Variants in P3H1 observed in about 807,000 individuals in gnomAD.
The protein encoded by P3H1 is growth suppressor 1.
P3H1 carries 69 observed loss-of-function variants against 84.0 expected under a neutral mutation model. The observed-to-expected ratio is 0.82, with a 90% CI of 0.68 to 1.00. The LOEUF (loss-of-function observed/expected upper bound fraction) is 1.00. Ranked by LOEUF, P3H1 falls within the 50% of genes least tolerant of loss-of-function variation. The pLI, the probability that P3H1 is intolerant of heterozygous loss-of-function variation, is 0.00. For missense variants in P3H1, 878 were observed against 962.8 expected (o/e 0.91, Z 1.17); for synonymous variants, 366 against 388.8 (o/e 0.94, Z 0.69).
In P3H1 at chr1:42,746,783, G is replaced by A. The variant is rs1186779144; in HGVS notation, c.2125C>T (p.Gln709Ter). 6 of 1,571,490 alleles carry A rather than the reference G, an allele frequency of 3.8e-6. No homozygotes were observed. Among genetic ancestry groups the A allele is most frequent in the Non-Finnish European group, 5.2e-6 (6 of 1,158,196 alleles). The change falls in exon 15 of 15, where the codon CAG becomes TAG. Residue 709 changes from glutamine (Q) to a stop codon, truncating the protein, a stop_gained. Transcript: ENST00000296388. LOFTEE classifies it low-confidence loss of function (END_TRUNC). ...GGGCCCTGCTGGGCATCCAGGGGCT[G>A]CTCCTGGGAGAGGTCCATCTCTTCT... ...SPEEMDLSQE[Q>*]PLDAQQGPPE...
intron 10 of P3H1, chr1:42,751,532 C>T (rs551334851): frequency 2.8e-3 from 401 of 140,914 alleles, no homozygotes; most frequent in African/African-American, 0.01. Flanking sequence ...CCTGCCAAAT[C>T]CCCCTCTGCG....
At chr1:42,766,427 TC>T (rs1653001795) in intron 1 of P3H1, 79 bp downstream of exon 1, 1 of 1,273,136 alleles carries the variant, frequency 7.9e-7, no homozygotes, top group Non-Finnish European at 1.1e-6. Context: ...ACTTCCCCGA[TC>T]CCCCAAGCTC....
At chr1:42,761,392 A>T (rs1156338794) in intron 2 of P3H1, 1 of 152,222 alleles carries the variant, frequency 6.6e-6, no homozygotes, top group Non-Finnish European at 1.5e-5. Context: ...TTTTCCTGCT[A>T]AACAAATAGA....
intron 2 of P3H1, chr1:42,761,770 C>A: frequency 6.2e-6 from 1 of 160,172 alleles, no homozygotes; most frequent in Non-Finnish European, 1.4e-5. Context: ...CCTCTAGTCC[C>A]AGCTATTTGT....
chr1:42,750,104 G>A (rs1164546815), intron 11 of P3H1, 82 bp downstream of exon 11: 1 of 1,506,492 alleles, frequency 6.6e-7, no homozygotes, highest in Non-Finnish European at 9.1e-7. Flanking sequence ...ACCGCATCCT[G>A]TTCTCTCTGT....
chr1:42,748,459 A>G (rs1450917382), intron 11 of P3H1, 142 bp from the exon 12 acceptor site: 23 of 742,484 alleles, frequency 3.1e-5, no homozygotes, highest in African/African-American at 5.1e-5. Flanking sequence ...TGGCTAAGCC[A>G]CAAGCCTAGG....
chr1:42,754,108 C>T lies in P3H1; in HGVS notation c.1345+761G>A, dbSNP rs907811610. Among the ~76,000 whole-genome samples the T allele has an allele frequency of 5.3e-5, 8 of 152,074 alleles. No homozygotes were observed. Among genetic ancestry groups the T allele is most frequent in the South Asian group, 4.1e-4 (2 of 4,828 alleles). On this transcript the variant is annotated intron_variant, in intron 8 of 14. Coordinates refer to ENST00000296388, the MANE Select transcript of P3H1 (RefSeq NM_022356.4). The surrounding 1 kb of genome is among the most constrained non-coding windows in gnomAD (Gnocchi z 4.0). ...GTAAACAGGACAAGAGTAGAACATT[C>T]GGTTAAGGGGCAGGCACGGAGGATG...
Position 42,746,683 on chromosome 1 carries a change from T to C in P3H1, c.*14A>G, listed in dbSNP as rs1281669690. 1 of 1,548,466 alleles carries C rather than the reference T, an allele frequency of 6.5e-7. No individual in the cohort carries two copies. ...CCATGGGTCTAGTCACCCATCCGTC[T>C]GACCTGGACGCTGTCATAGCTCATC... On this transcript the variant is annotated 3_prime_UTR_variant, in exon 15 of 15. Transcript: ENST00000296388.
chr1:42,750,731 G>A (rs1395191824), intron 10 of P3H1, among the ~76,000 whole-genome samples: 1 of 145,946 alleles, frequency 6.9e-6, no homozygotes, highest in Admixed American at 6.7e-5. Flanking sequence ...GCCCTGTCCG[G>A]GAGGTGAGGG....
At chr1:42,753,922 T>A (rs895929932) in intron 8 of P3H1, among the ~76,000 whole-genome samples, 2 of 147,190 alleles carry the variant, frequency 1.4e-5, no homozygotes, top group African/African-American at 5.0e-5. Context: ...CAAGACTCCA[T>A]CTCCAAAAAA....
At chr1:42,749,186 TG>T (rs1168990516) in intron 11 of P3H1, among the ~76,000 whole-genome samples, 2 of 152,062 alleles carry the variant, frequency 1.3e-5, no homozygotes, top group Admixed American at 6.5e-5. Flanking sequence ...CCTGGCCTCC[TG>T]GCACCTGTGC....
rs60025227 is a variant in P3H1 at position 42,755,763 on chromosome 1, GCT to G, written c.1081-128_1081-127del. 34,026 of 722,448 alleles carry G rather than the reference GCT, an allele frequency of 0.047. 1,147 individuals carry two copies. Among genetic ancestry groups the G allele is most frequent in the African/African-American group, 0.13 (7,504 of 57,398 alleles). The allele number at this position is 722,448 out of a possible 1,614,324, so 44.8% of individuals were successfully genotyped here. On this transcript the variant is annotated intron_variant, in intron 5 of 14. Coordinates refer to ENST00000296388, the MANE Select transcript of P3H1 (RefSeq NM_022356.4). ...CCTGAGGCCTCCTCTCCCTACCAAT[GCT>G]CTCTGTCTGTTCCCCAGTTTGAGAC...
At chr1:42,752,888 CT>C (rs1203557169) in intron 8 of P3H1, among the ~76,000 whole-genome samples, 1 of 152,192 alleles carries the variant, frequency 6.6e-6, no homozygotes, top group Non-Finnish European at 1.5e-5. Flanking sequence ...TAGCTGCTGG[CT>C]TTTGGGCCAT....
At chr1:42,751,081 A>G (rs1199114533) in intron 10 of P3H1, among the ~76,000 whole-genome samples, 1 of 133,362 alleles carries the variant, frequency 7.5e-6, no homozygotes, top group East Asian at 2.2e-4. Flanking sequence ...CCAGCGGCTC[A>G]TTGGGGATGG....
chr1:42,748,269 T>C lies in P3H1; in HGVS notation c.1769A>G (p.Asn590Ser). The change falls in exon 12 of 15, where the codon AAC becomes AGC. Residue 590 changes from asparagine (N) to serine (S), a missense_variant. By Grantham distance (46) the Asn-to-Ser change is conservative. Coordinates refer to ENST00000296388, the MANE Select transcript of P3H1 (RefSeq NM_022356.4). ...GAGGGTCTCGGCATTCAGGATGCAG[T>C]TGTCCACGTGGACTGGATGACTATC... ...KDDSHPVHVD[N>S]CILNAETLVC... 1.2e-6 allele frequency: 2 copies of C among 1,614,086 alleles called. No homozygotes were observed. The highest frequency in any genetic ancestry group is 1.7e-6 in the Non-Finnish European group (2 of 1,180,030).
rs973687611 is a variant in P3H1, at chr1:42,759,406, A to T, written c.619-16T>A. On this transcript the variant is annotated splice_polypyrimidine_tract_variant and intron_variant, in intron 2 of 14. Transcript: ENST00000296388. Reference sequence around the variant, plus strand: ...GAAATTCTTGCTACTGGGAAGAAGGAGCACTCAAATGCAGGCCACAGAGGA... The same window carrying T: ...GAAATTCTTGCTACTGGGAAGAAGGTGCACTCAAATGCAGGCCACAGAGGA... 1 of 1,613,014 alleles carries T rather than the reference A, an allele frequency of 6.2e-7. No homozygotes were observed. Among genetic ancestry groups the T allele is most frequent in the Non-Finnish European group, 8.5e-7 (1 of 1,179,158 alleles).
rs751395741 is a variant in P3H1 at position 42,755,615 on chromosome 1, C to T, written c.1103G>A (p.Arg368Gln). The change falls in exon 6 of 15, where the codon CGA becomes CAA. Residue 368 changes from arginine (R) to glutamine (Q), a missense_variant. Physicochemically the swap from Arg to Gln is conservative, Grantham distance 43. Transcript: ENST00000296388. ...AAGCAGTTCTTTTTCCAGTAGGCTT[C>T]GCTGTCGGTACTCCTTGGCACTCTG... The part of the protein sequence containing the change: ...PRESAKEYRQ[R>Q]SLLEKELLFF... 50 of 1,613,912 alleles carry T rather than the reference C, an allele frequency of 3.1e-5. No individual in the cohort carries two copies. Among genetic ancestry groups the T allele is most frequent in the South Asian group, 8.8e-5 (8 of 91,078 alleles).
In P3H1 at chr1:42,766,941, T is replaced by C; in HGVS notation, c.31A>G (p.Thr11Ala). MAVRALKLLTTLLAVVAAASQ... is the reference protein window; with the variant it reads MAVRALKLLTALLAVVAAASQ... ...GCAGCGGCCACGACAGCCAGCAGTG[T>C]GGTCAGCAGCTTCAACGCGCGTACC... Residue 11 changes from threonine (T) to alanine (A), a missense_variant, in exon 1 of 15, where the codon ACA (threonine) becomes GCA (alanine). Transcript: ENST00000296388. 3 of 1,609,438 alleles carry C rather than the reference T, an allele frequency of 1.9e-6. No homozygotes were observed. The highest frequency in any genetic ancestry group is 1.1e-5 in the South Asian group (1 of 91,082).
chr1:42,750,059 T>C lies in P3H1; in HGVS notation c.1720+127A>G, dbSNP rs374975145. On this transcript the variant is annotated intron_variant, in intron 11 of 14. Transcript: ENST00000296388. ...ATGCATCACACTGGGATGCCACCCA[T>C]GTATTTACATTGGTTCCCCAACTGA... The C allele has an allele frequency of 1.1e-5, 12 of 1,118,664 alleles. No homozygotes were observed. In the East Asian group the frequency reaches 2.9e-4, roughly 27 times the overall value. The allele number at this position is 1,118,664 out of a possible 1,614,324, so 69.3% of individuals were successfully genotyped here.
Sources: allele counts gnomAD v4.1 joint callset (sites outside exome capture counted in the v4.1 genomes callset), GRCh38; gene constraint gnomAD v4.1.1; non-coding constraint Gnocchi (gnomAD v3.1); transcripts MANE v1.5; gene names NCBI Gene and HGNC (gene_info 2026-07-23, HGNC 2026-07-21).